SLC7A1: variants seen among roughly 807,000 people sequenced by gnomAD.
The protein encoded by SLC7A1 is high affinity cationic amino acid transporter 1.
In SLC7A1, 10 loss-of-function variants were observed where a neutral mutation model predicts 53.9. The observed-to-expected ratio is 0.19, with a 90% CI of 0.11 to 0.31. The LOEUF (loss-of-function observed/expected upper bound fraction) is 0.31. SLC7A1 is among the 10% of genes least tolerant of loss of function. The pLI, the probability that SLC7A1 is intolerant of heterozygous loss-of-function variation, is 1.00. For missense variants in SLC7A1, 525 were observed against 827.2 expected, an observed-to-expected ratio of 0.63 and a Z score of 4.48; for synonymous variants, 342 against 338.7, an observed-to-expected ratio of 1.01 and a Z score of -0.11.
chr13:29,547,968 A>C (rs1869996321), intron 2 of SLC7A1, among the ~76,000 whole-genome samples: 1 of 152,246 alleles, frequency 6.6e-6, no homozygotes, highest in South Asian at 2.1e-4. Context: ...TGACAGCCAC[A>C]TGTTAACTAG....
At chr13:29,588,508 C>CTT (rs60989447) in intron 1 of SLC7A1, among the ~76,000 whole-genome samples, 7,737 of 144,108 alleles carry the variant, frequency 0.054, 247 homozygotes, top group Middle Eastern at 0.18. Flanking sequence ...TCTTTTCTTT[C>CTT]TTTTTTTTTT....
Position 29,586,443 on chromosome 13 carries a change from T to C in SLC7A1, c.-115+8973A>G, listed in dbSNP as rs375615350. 2.0e-4 allele frequency among the ~76,000 whole-genome samples: 31 copies of C among 152,342 alleles called. No homozygotes were observed. In the East Asian group the frequency reaches 4.1e-3, roughly 20 times the overall value. On this transcript the variant is annotated intron_variant, in intron 1 of 12. Coordinates refer to ENST00000380752, the MANE Select transcript of SLC7A1 (RefSeq NM_003045.5). ...AGTCTTTTCTTTCTGTGCAAATACA[T>C]ATATCTCATTAAGCTAACACGGAAC...
chr13:29,515,782 T>C (rs895382724), intron 12 of SLC7A1, among the ~76,000 whole-genome samples: 1 of 152,222 alleles, frequency 6.6e-6, no homozygotes, highest in Non-Finnish European at 1.5e-5. Flanking sequence ...ACATCCACCC[T>C]GCCTGGGCCT....
At chr13:29,565,400 G>A (rs542543936) in intron 1 of SLC7A1, among the ~76,000 whole-genome samples, 33 of 152,330 alleles carry the variant, frequency 2.2e-4, no homozygotes, top group Non-Finnish European at 3.5e-4. Context: ...CCCAGCAGGC[G>A]TTCCCAGAAC....
intron 3 of SLC7A1, among the ~76,000 whole-genome samples, chr13:29,535,305 T>C (rs1869355455): frequency 1.3e-5 from 2 of 152,144 alleles, no homozygotes; most frequent in East Asian, 1.9e-4. Flanking sequence ...TGTGGAAAAA[T>C]AGCTAATGAT....
intron 1 of SLC7A1, among the ~76,000 whole-genome samples, chr13:29,590,379 T>TAC (rs1453577907): frequency 1.4e-4 from 21 of 152,132 alleles, no homozygotes; most frequent in African/African-American, 5.1e-4. Context: ...CACACACACA[T>TAC]ACATATACAC....
chr13:29,522,201 G>T (rs1593541288), intron 8 of SLC7A1, 116 bp downstream of exon 8: 1 of 1,039,802 alleles, frequency 9.6e-7, no homozygotes, highest in Non-Finnish European at 1.4e-6. Context: ...TAAAAACCAG[G>T]AGTTAAAAAG....
intron 1 of SLC7A1, among the ~76,000 whole-genome samples, chr13:29,556,738 T>C (rs1421573596): frequency 1.3e-5 from 2 of 152,342 alleles, no homozygotes; most frequent in East Asian, 1.9e-4. Context: ...GGAAAGCTTC[T>C]TGGAGTCCTC....
intron 5 of SLC7A1, among the ~76,000 whole-genome samples, chr13:29,524,996 A>G (rs1868817950): frequency 2.0e-5 from 3 of 152,198 alleles, no homozygotes; most frequent in South Asian, 2.1e-4. Context: ...GTGTGGCGCT[A>G]TGGCCCCTCC....
chr13:29,533,944 A>T (rs1231604627), intron 3 of SLC7A1, among the ~76,000 whole-genome samples: 2 of 152,162 alleles, frequency 1.3e-5, no homozygotes, highest in South Asian at 2.1e-4. Context: ...GCAGAGATTC[A>T]ATTTCACTAT....
At chr13:29,531,705 G>A (rs553732285) in intron 4 of SLC7A1, among the ~76,000 whole-genome samples, 20 of 152,228 alleles carry the variant, frequency 1.3e-4, no homozygotes, top group Middle Eastern at 3.4e-3. Context: ...GTGGTGGTGC[G>A]TGTCTGTAAT....
intron 2 of SLC7A1, among the ~76,000 whole-genome samples, chr13:29,538,351 T>C (rs573630207): frequency 4.6e-5 from 7 of 152,088 alleles, no homozygotes; most frequent in African/African-American, 1.4e-4. Context: ...AATCAGAACC[T>C]AGAGTTTGAG....
chr13:29,545,767 A>G (rs530213719), intron 2 of SLC7A1, among the ~76,000 whole-genome samples: 1 of 152,148 alleles, frequency 6.6e-6, no homozygotes, highest in Admixed American at 6.6e-5. Flanking sequence ...AGTACCACCT[A>G]CTCCACTCAG....
intron 2 of SLC7A1, among the ~76,000 whole-genome samples, chr13:29,547,763 G>A (rs775412974): frequency 6.6e-6 from 1 of 152,248 alleles, no homozygotes; most frequent in South Asian, 2.1e-4. Context: ...CTGTCTAGGA[G>A]AAGCTGATAA....
At chr13:29,566,417 C>T (rs760075105) in intron 1 of SLC7A1, among the ~76,000 whole-genome samples, 1 of 152,154 alleles carries the variant, frequency 6.6e-6, no homozygotes, top group South Asian at 2.1e-4. Flanking sequence ...TGTGGTACAT[C>T]CAGACAAAGG....
At chr13:29,569,124 C>T (rs996207202) in intron 1 of SLC7A1, among the ~76,000 whole-genome samples, 1 of 152,148 alleles carries the variant, frequency 6.6e-6, no homozygotes, top group Non-Finnish European at 1.5e-5. Flanking sequence ...TGTCTGAAAT[C>T]GCATCCTGTT....
intron 2 of SLC7A1, among the ~76,000 whole-genome samples, chr13:29,546,098 A>G (rs1385263745): frequency 1.3e-5 from 2 of 152,222 alleles, no homozygotes; most frequent in South Asian, 2.1e-4. Flanking sequence ...CTTGGGCAGC[A>G]TGGAAAGAAA....
intron 1 of SLC7A1, among the ~76,000 whole-genome samples, chr13:29,580,573 G>A (rs1871601979): frequency 6.6e-6 from 1 of 152,088 alleles, no homozygotes; most frequent in Non-Finnish European, 1.5e-5. Context: ...TCCTCACGTG[G>A]CTGCTTCACT....
chr13:29,530,860 G>A (rs1869119265), intron 4 of SLC7A1, 148 bp from the exon 5 acceptor site: 1 of 625,486 alleles, frequency 1.6e-6, no homozygotes, highest in Non-Finnish European at 2.8e-6. Context: ...GGAATGGGGT[G>A]GATTAATTAT....
Sources: gnomAD v4.1 joint callset for allele counts (sites outside exome capture counted in the v4.1 genomes callset) on GRCh38, gnomAD v4.1.1 for gene constraint, MANE v1.5 for transcripts, NCBI Gene and HGNC (gene_info 2026-07-23, HGNC 2026-07-21) for gene names.